Variants in MYOF observed in about 807,000 individuals in gnomAD.
MYOF encodes the protein fer-1-like 3, myoferlin.
Under a neutral mutation model 284.2 loss-of-function variants are expected in MYOF, and 244 were observed. The observed-to-expected ratio is 0.86, with a 90% CI of 0.77 to 0.95. The LOEUF is 0.95. Ranked by LOEUF, MYOF falls within the 40% of genes least tolerant of loss-of-function variation. The pLI is 0.00. For missense variants in MYOF, 2,496 were observed against 2,560.6 expected, an observed-to-expected ratio of 0.97 and a Z score of 0.54; for synonymous variants, 904 against 919.7, an observed-to-expected ratio of 0.98 and a Z score of 0.31.
intron 53 of MYOF, among the ~76,000 whole-genome samples, chr10:93,308,960 C>A (rs1203629468): frequency 6.6e-6 from 1 of 152,152 alleles, no homozygotes; most frequent in Non-Finnish European, 1.5e-5. Flanking sequence ...GATTCACCCG[C>A]CTCGGCCTCC....
At chr10:93,437,619 G>A (rs1425614995) in intron 3 of MYOF, among the ~76,000 whole-genome samples, 2 of 152,222 alleles carry the variant, frequency 1.3e-5, no homozygotes, top group South Asian at 2.1e-4. Flanking sequence ...AGCAGGAACA[G>A]CAATCCCAAC....
At position 93,363,970 on chromosome 10, in the gene MYOF, G is replaced by A. The variant is rs769403447; in HGVS notation, c.2859C>T (p.Tyr953=). 1.1e-5 allele frequency: 18 copies of A among 1,614,032 alleles called. No individual in the cohort carries two copies. Among genetic ancestry groups the A allele is most frequent in the Non-Finnish European group, 1.5e-5 (18 of 1,179,976 alleles). ...GGAGCAGGCCACTCACCGCATCCGT[G>A]TAGGTGTCCTCGGCCGGCTTCCAGT... ...GGDWKPAEDT[Y]TDANGDKAAS... is the part of the protein sequence containing the mutation. Residue 953 remains tyrosine (Y), a synonymous_variant, in exon 27 of 54, where the codon TAC becomes TAT. Transcript: ENST00000359263.
chr10:93,414,903 C>G (rs1375829857), intron 5 of MYOF, among the ~76,000 whole-genome samples: 2 of 151,970 alleles, frequency 1.3e-5, no homozygotes, highest in Non-Finnish European at 2.9e-5. Context: ...GCCACCACGC[C>G]CTGCTAATTT....
rs563355057 is a variant in MYOF, at chr10:93,322,992, T to C, written c.5456+86A>G. The C allele has an allele frequency of 1.5e-5, 20 of 1,311,080 alleles. No individual in the cohort carries two copies. The African/African-American group carries it at 1.9e-4, about 12-fold the overall frequency. The allele number at this position is 1,311,080 out of a possible 1,614,324, so 81.2% of individuals were successfully genotyped here. ...TAACCTCAAAAAACCAAGAATCCTA[T>C]CTTGGGCATATTCAGTAATGAAAAC... On this transcript the variant is annotated intron_variant, in intron 48 of 53. Coordinates refer to ENST00000359263, the MANE Select transcript of MYOF (RefSeq NM_013451.4).
At chr10:93,472,548 A>G (rs1184022779) in intron 1 of MYOF, among the ~76,000 whole-genome samples, 1 of 152,142 alleles carries the variant, frequency 6.6e-6, no homozygotes, top group Non-Finnish European at 1.5e-5. Flanking sequence ...CTGAGGCAGG[A>G]GAATCGCTTG....
intron 24 of MYOF, 91 bp from the exon 25 acceptor site, chr10:93,369,867 T>C: frequency 4.0e-6 from 6 of 1,481,608 alleles, no homozygotes; most frequent in Non-Finnish European, 5.6e-6. Flanking sequence ...GAACATCTAA[T>C]CATTGCTTTC....
At chr10:93,402,389 AG>A in intron 10 of MYOF, 42 bp from the exon 11 acceptor site, 1 of 1,471,590 alleles carries the variant, frequency 6.8e-7, no homozygotes, top group Non-Finnish European at 9.5e-7. Context: ...CATGCTAAAA[AG>A]GTACTGATAA....
At chr10:93,328,368 G>C (rs1306219368) in intron 45 of MYOF, among the ~76,000 whole-genome samples, 1 of 152,144 alleles carries the variant, frequency 6.6e-6, no homozygotes, top group African/African-American at 2.4e-5. Flanking sequence ...AACATAGCAG[G>C]CTCTTCAAGC....
rs1564622926 is a variant in MYOF, at chr10:93,329,778, T to C, written c.4868A>G (p.Tyr1623Cys). 1.2e-6 allele frequency: 2 copies of C among 1,614,226 alleles called. No homozygotes were observed. Among genetic ancestry groups the C allele is most frequent in the South Asian group, 1.1e-5 (1 of 91,092 alleles). ...PQEKDLKISV[Y>C]DYDTFTRDEK... The stretch of plus-strand genomic sequence containing the variant: ...ATCCCGGGTAAAGGTGTCATAATCA[T>C]AGACAGAAATTTTCAGGTCTTTTTC... Residue 1623 changes from tyrosine (Y) to cysteine (C), a missense_variant, in exon 44 of 54, where the codon TAT (tyrosine) becomes TGT (cysteine). Coordinates refer to ENST00000359263, the MANE Select transcript of MYOF (RefSeq NM_013451.4).
chr10:93,367,670 G>A (rs780990881), intron 25 of MYOF, among the ~76,000 whole-genome samples: 72 of 152,240 alleles, frequency 4.7e-4, no homozygotes, highest in Non-Finnish European at 9.0e-4. Context: ...GCATGGACAA[G>A]AGGGTATCAG....
At chr10:93,467,812 A>G (rs2057047450) in intron 1 of MYOF, among the ~76,000 whole-genome samples, 1 of 152,192 alleles carries the variant, frequency 6.6e-6, no homozygotes, top group Non-Finnish European at 1.5e-5. Flanking sequence ...TGATGAGTTC[A>G]TGTCCTTTGT....
rs1846038092 is a variant in MYOF at position 93,379,983 on chromosome 10, G to A, written c.1881C>T (p.Asn627=). 5 of 1,613,446 alleles carry A rather than the reference G, an allele frequency of 3.1e-6. No homozygotes were observed. The highest frequency in any genetic ancestry group is 4.2e-6 in the Non-Finnish European group (5 of 1,179,526). The change falls in exon 21 of 54, where the codon AAC becomes AAT. Residue 627 remains asparagine (N), a synonymous_variant. Coordinates refer to ENST00000359263, the MANE Select transcript of MYOF (RefSeq NM_013451.4). ...GGGCCCAAGGCAAGTAATAATAGTA[G>A]TTGCCTGGTATAAAACATTGGGGGT... is the stretch of plus-strand genomic sequence containing the variant. ...TQYSRAVFDG[N]YYYYLPWAHT...
At chr10:93,364,863 CA>C (rs1354092792) in intron 26 of MYOF, among the ~76,000 whole-genome samples, 1 of 152,052 alleles carries the variant, frequency 6.6e-6, no homozygotes, top group East Asian at 1.9e-4. Flanking sequence ...ATCAAAAAAA[CA>C]AACAGTCCCA....
At chr10:93,409,160 G>T (rs549090901) in intron 6 of MYOF, among the ~76,000 whole-genome samples, 1 of 152,294 alleles carries the variant, frequency 6.6e-6, no homozygotes, top group South Asian at 2.1e-4. Flanking sequence ...AGCCGGCCTG[G>T]GAAAGGGCAG....
chr10:93,310,969 T>C (rs913585385), intron 51 of MYOF, among the ~76,000 whole-genome samples: 8 of 152,148 alleles, frequency 5.3e-5, no homozygotes, highest in African/African-American at 1.9e-4. Flanking sequence ...CAGACTAACC[T>C]GAATACCACT....
intron 1 of MYOF, among the ~76,000 whole-genome samples, chr10:93,461,977 G>A (rs565012248): frequency 6.6e-6 from 1 of 152,328 alleles, no homozygotes; most frequent in South Asian, 2.1e-4. Context: ...CACAGACCAG[G>A]TGGAGCTATT....
chr10:93,354,666 A>ACACTCTCTCTCTCTCTCT (rs1554844078), intron 31 of MYOF, among the ~76,000 whole-genome samples: 4 of 119,236 alleles, frequency 3.4e-5, no homozygotes, highest in Non-Finnish European at 7.0e-5. Context: ...TCACACATTC[A>ACACTCTCTCTCTCTCTCT]CTCTCTCTCT....
rs1173601391 is a variant in MYOF at position 93,381,174 on chromosome 10, C to T, written c.1876+45G>A. On this transcript the variant is annotated intron_variant, in intron 20 of 53. Transcript: ENST00000359263. The stretch of plus-strand genomic sequence containing the variant: ...AGTGCTTGCTTCCGGTCCCGTGGTG[C>T]ACCCATTGTAAACGTGTGGAGAGAA... The T allele has an allele frequency of 1.9e-6, 3 of 1,598,024 alleles. No individual in the cohort carries two copies. In the Admixed American group the frequency reaches 5.0e-5, roughly 27 times the overall value.
At chr10:93,388,118 A>T (rs1341291671) in intron 18 of MYOF, among the ~76,000 whole-genome samples, 3 of 151,422 alleles carry the variant, frequency 2.0e-5, no homozygotes, top group Non-Finnish European at 4.4e-5. Flanking sequence ...GATCTCAAAG[A>T]GTACCTTGGG....
Sources: gnomAD v4.1 joint callset for allele counts (sites outside exome capture counted in the v4.1 genomes callset) on GRCh38, gnomAD v4.1.1 for gene constraint, MANE v1.5 for transcripts, NCBI Gene and HGNC (gene_info 2026-07-23, HGNC 2026-07-21) for gene names.